The following LRRIQ1 variants were observed in gnomAD, a reference collection of about 807,000 sequenced individuals.
LRRIQ1 encodes leucine rich repeats and IQ motif containing 1.
A neutral mutation model predicts 211.9 loss-of-function variants in LRRIQ1; 210 were observed. The observed-to-expected ratio is 0.99, with a 90% CI of 0.89 to 1.11. The LOEUF (loss-of-function observed/expected upper bound fraction) is 1.11, where lower values mean the gene tolerates loss of function less well. Among genes scored for constraint, LRRIQ1 ranks in the 50% most tolerant of loss-of-function variants. LRRIQ1 has a pLI of 0.00. For synonymous variants in LRRIQ1, 699 were observed against 650.1 expected (o/e 1.08, Z -1.14); for missense variants, 2,136 against 1,939.5 (o/e 1.10, Z -1.90).
At chr12:85,190,638 A>G (rs1379812856) in intron 24 of LRRIQ1, among the ~76,000 whole-genome samples, 1 of 151,656 alleles carries the variant, frequency 6.6e-6, no homozygotes, top group Non-Finnish European at 1.5e-5. Context: ...TGGGCGTTTC[A>G]GACTGATTTT....
At chr12:85,158,604 A>G (rs1413630172) in intron 23 of LRRIQ1, among the ~76,000 whole-genome samples, 3 of 152,038 alleles carry the variant, frequency 2.0e-5, no homozygotes, top group African/African-American at 7.2e-5. Context: ...TAAACTGTTA[A>G]GTATAGAGAT....
chr12:85,224,093 T>C (rs183993201), intron 24 of LRRIQ1, among the ~76,000 whole-genome samples: 3 of 152,240 alleles, frequency 2.0e-5, no homozygotes, highest in Admixed American at 2.0e-4. Context: ...ATTTTATTCT[T>C]AATTCCATCT....
intron 1 of LRRIQ1, among the ~76,000 whole-genome samples, chr12:85,253,235 G>A (rs1371495077): frequency 1.3e-5 from 2 of 151,974 alleles, no homozygotes; most frequent in East Asian, 1.9e-4. Context: ...TGAGAAGGGT[G>A]TATTCTCCAA....
At chr12:85,058,690 T>C (rs1881423909) in intron 8 of LRRIQ1, among the ~76,000 whole-genome samples, 1 of 152,042 alleles carries the variant, frequency 6.6e-6, no homozygotes, top group Non-Finnish European at 1.5e-5. Flanking sequence ...TAATTAACTC[T>C]TTCTTTTACT....
intron 1 of LRRIQ1, among the ~76,000 whole-genome samples, chr12:85,251,390 TCTC>T (rs1404396246): frequency 6.6e-6 from 1 of 152,046 alleles, no homozygotes; most frequent in East Asian, 1.9e-4. Flanking sequence ...TAATATAGCT[TCTC>T]ATTAAACTGG....
chr12:85,153,407 A>G (rs187156095), intron 21 of LRRIQ1, among the ~76,000 whole-genome samples: 1 of 151,672 alleles, frequency 6.6e-6, no homozygotes, highest in Non-Finnish European at 1.5e-5. Flanking sequence ...TTTAAATACT[A>G]TATAGGTACA....
intron 24 of LRRIQ1, among the ~76,000 whole-genome samples, chr12:85,206,135 CA>C (rs1893533249): frequency 6.6e-6 from 1 of 152,170 alleles, no homozygotes; most frequent in Admixed American, 6.5e-5. Flanking sequence ...TCACCTTGGG[CA>C]GAACACTGGT....
chr12:85,192,633 T>TATATATAGTTATATACTATAATTATAA (rs1168330696), intron 24 of LRRIQ1, among the ~76,000 whole-genome samples: 5 of 99,150 alleles, frequency 5.0e-5, no homozygotes, highest in East Asian at 2.9e-4. Flanking sequence ...TATAAATAAA[T>TATATATAGTTATATACTATAATTATAA]ATATATAGTT....
intron 26 of LRRIQ1, among the ~76,000 whole-genome samples, chr12:85,242,029 A>C (rs2137259852): frequency 6.6e-6 from 1 of 152,118 alleles, no homozygotes; most frequent in Non-Finnish European, 1.5e-5. Context: ...GGCAATTACA[A>C]ACCTTGTAGG....
rs1052935925 is a variant in LRRIQ1 at position 85,156,583 on chromosome 12, C to T, written c.4720+2489C>T. Among the ~76,000 whole-genome samples, 5 of 151,804 alleles carry T rather than the reference C, an allele frequency of 3.3e-5. No individual in the cohort carries two copies. The East Asian group carries it at 7.7e-4, about 23-fold the overall frequency. ...CGATCTGTGATATACCATTAACTTA[C>T]TTGCATCTGTCTCAAATAATGACCA... On this transcript the variant is annotated intron_variant, in intron 23 of 26. Coordinates refer to ENST00000393217, the MANE Select transcript of LRRIQ1 (RefSeq NM_001079910.2).
chr12:85,197,958 T>A (rs1278091654), intron 24 of LRRIQ1, among the ~76,000 whole-genome samples: 1 of 110,126 alleles, frequency 9.1e-6, no homozygotes, highest in Admixed American at 1.3e-4. Flanking sequence ...TATAATTATA[T>A]ATTATATATA....
intron 24 of LRRIQ1, among the ~76,000 whole-genome samples, chr12:85,178,104 ACTTT>A (rs1294252905): frequency 6.6e-6 from 1 of 151,588 alleles, no homozygotes; most frequent in African/African-American, 2.4e-5. Context: ...TTTTTCTATC[ACTTT>A]CTTTCCTTCT....
chr12:85,038,015 G>A (rs1185457717), intron 1 of LRRIQ1, 138 bp from the exon 2 acceptor site: 5 of 425,558 alleles, frequency 1.2e-5, no homozygotes, highest in Non-Finnish European at 1.5e-5. Flanking sequence ...ATAAAACAAT[G>A]TTTGGTGTAA....
intron 11 of LRRIQ1, among the ~76,000 whole-genome samples, chr12:85,073,805 C>T (rs1299826025): frequency 3.3e-5 from 5 of 151,986 alleles, no homozygotes; most frequent in African/African-American, 9.7e-5. Flanking sequence ...CAGTTGGAGT[C>T]TGTTTTTCAT....
chr12:85,048,873 T>G (rs1879967366), intron 6 of LRRIQ1, among the ~76,000 whole-genome samples: 1 of 152,220 alleles, frequency 6.6e-6, no homozygotes, highest in African/African-American at 2.4e-5. Context: ...ATTTCAATCC[T>G]ATTCAGCAAA....
chr12:85,053,680 CTTTG>C (rs1285208460), intron 7 of LRRIQ1, among the ~76,000 whole-genome samples: 3 of 152,078 alleles, frequency 2.0e-5, no homozygotes, highest in African/African-American at 4.8e-5. Flanking sequence ...TTTTCTCAAT[CTTTG>C]TTTGCATATT....
rs545675452 is a variant in LRRIQ1 at position 85,089,033 on chromosome 12, A to G, written c.2888-9322A>G. 7.9e-5 allele frequency among the ~76,000 whole-genome samples: 12 copies of G among 152,326 alleles called. No homozygotes were observed. The East Asian group carries it at 2.3e-3, about 29-fold the overall frequency. ...TGTCTTGTGCCAGTTTTCAAAGGGAATACTTCCAGTTTTTGCCCATTCAGT... is the reference window on the plus strand; with the variant it reads ...TGTCTTGTGCCAGTTTTCAAAGGGAGTACTTCCAGTTTTTGCCCATTCAGT... On this transcript the variant is annotated intron_variant, in intron 11 of 26. Coordinates refer to ENST00000393217, the MANE Select transcript of LRRIQ1 (RefSeq NM_001079910.2).
In LRRIQ1 at chr12:85,098,398, C is replaced by T. The variant is rs777504279; in HGVS notation, c.2931C>T (p.Asp977=). ...AAAATCTTCAACAACTAATTTTGGA[C>T]CACAATCAGTTAATTAATACAAAAG... ...SLKNLQQLIL[D]HNQLINTKGL... Residue 977 remains aspartate (D), a synonymous_variant, in exon 12 of 27, where the codon GAC becomes GAT. Transcript: ENST00000393217. 1 of 1,609,080 alleles carries T rather than the reference C, an allele frequency of 6.2e-7. No individual in the cohort carries two copies. The highest frequency in any genetic ancestry group is 8.5e-7 in the Non-Finnish European group (1 of 1,177,766).
intron 11 of LRRIQ1, among the ~76,000 whole-genome samples, chr12:85,088,023 G>T (rs1254425577): frequency 6.6e-6 from 1 of 152,154 alleles, no homozygotes; most frequent in African/African-American, 2.4e-5. Context: ...CCTTGGCCAT[G>T]CCTATATCCT....
Sources: gnomAD v4.1 joint callset for allele counts (sites outside exome capture counted in the v4.1 genomes callset) on GRCh38, gnomAD v4.1.1 for gene constraint, MANE v1.5 for transcripts, NCBI Gene and HGNC (gene_info 2026-07-23, HGNC 2026-07-21) for gene names.